Variants in RRP15 observed in about 807,000 individuals in gnomAD.
RRP15 encodes ribosomal RNA processing 15 homolog, also known as RRP15-like protein.
Under a neutral mutation model 27.1 loss-of-function variants are expected in RRP15, and 18 were observed. That is an observed-to-expected ratio of 0.66 (90% CI 0.46 to 0.98). The LOEUF is 0.98. RRP15 is among the 50% of genes least tolerant of loss of function. The probability of loss-of-function intolerance (pLI) is 0.00; values close to 1 mark genes in which losing one functional copy is unlikely to be tolerated. For synonymous variants in RRP15, 107 were observed against 109.4 expected, an observed-to-expected ratio of 0.98 and a Z score of 0.14; for missense variants, 359 against 337.8, an observed-to-expected ratio of 1.06 and a Z score of -0.49.
intron 4 of RRP15, among the ~76,000 whole-genome samples, chr1:218,308,062 C>CT (rs56813511): frequency 0.13 from 8,858 of 66,616 alleles, 1,201 homozygotes; most frequent in Non-Finnish European, 0.17. Flanking sequence ...TTCTTTCTTT[C>CT]TTTTTTTTTT....
chr1:218,331,122 T>A lies in RRP15; in HGVS notation c.*31T>A. ...CATAGGAAATACAATTGCAGTCGTT[T>A]TATTTTTTCTAGAAAAATATGTCAT... is the stretch of plus-strand genomic sequence containing the variant. On this transcript the variant is annotated 3_prime_UTR_variant, in exon 5 of 5. Transcript: ENST00000366932. 1 of 1,583,154 alleles carries A rather than the reference T, an allele frequency of 6.3e-7. No homozygotes were observed. The highest frequency in any genetic ancestry group is 8.6e-7 in the Non-Finnish European group (1 of 1,163,206).
chr1:218,320,290 T>C (rs1295465587), intron 4 of RRP15, among the ~76,000 whole-genome samples: 1 of 140,188 alleles, frequency 7.1e-6, no homozygotes, highest in Non-Finnish European at 1.5e-5. Context: ...AATTCCCACC[T>C]ATGAGTGAGA....
chr1:218,325,136 G>A (rs1314260670), intron 4 of RRP15, among the ~76,000 whole-genome samples: 4 of 152,104 alleles, frequency 2.6e-5, no homozygotes, highest in Non-Finnish European at 5.9e-5. Flanking sequence ...ATTCTCCAGC[G>A]GTTTTGTCAA....
intron 1 of RRP15, among the ~76,000 whole-genome samples, chr1:218,296,038 A>G (rs528038473): frequency 1.3e-5 from 2 of 152,282 alleles, no homozygotes; most frequent in East Asian, 3.9e-4. Flanking sequence ...AGTTTTAGAG[A>G]GCCTTGAATA....
intron 4 of RRP15, among the ~76,000 whole-genome samples, chr1:218,329,885 C>A (rs893516243): frequency 1.1e-4 from 17 of 151,586 alleles, no homozygotes; most frequent in Admixed American, 9.9e-4. Context: ...TAAAGGGAAG[C>A]TATAGCAGTT....
intron 4 of RRP15, among the ~76,000 whole-genome samples, chr1:218,316,663 C>T (rs1427743961): frequency 6.6e-6 from 1 of 152,124 alleles, no homozygotes; most frequent in Non-Finnish European, 1.5e-5. Context: ...AGTTAATATA[C>T]ATAAAGCACT....
At chr1:218,314,758 C>T (rs1038848960) in intron 4 of RRP15, among the ~76,000 whole-genome samples, 10 of 151,676 alleles carry the variant, frequency 6.6e-5, no homozygotes, top group Non-Finnish European at 1.2e-4. Context: ...TTTGGGAGGC[C>T]GAGGCAGGCT....
chr1:218,322,500 G>A (rs1379813508), intron 4 of RRP15, among the ~76,000 whole-genome samples: 1 of 151,148 alleles, frequency 6.6e-6, no homozygotes, highest in Admixed American at 6.6e-5. Flanking sequence ...TTGTGGAAAT[G>A]GTTTAGGTGT....
At chr1:218,318,742 C>CTTTT (rs398053827) in intron 4 of RRP15, among the ~76,000 whole-genome samples, 24 of 145,472 alleles carry the variant, frequency 1.6e-4, no homozygotes, top group African/African-American at 5.0e-4. Context: ...ATAATAAATA[C>CTTTT]TTTTTTTTTT....
intron 4 of RRP15, 110 bp from the exon 5 acceptor site, chr1:218,330,838 C>T (rs1376930324): frequency 2.6e-6 from 2 of 765,642 alleles, no homozygotes; most frequent in Non-Finnish European, 2.1e-6. Flanking sequence ...CTTGGTTTTA[C>T]CCCTATTTTA....
At chr1:218,319,895 T>G (rs971569175) in intron 4 of RRP15, among the ~76,000 whole-genome samples, 2 of 152,110 alleles carry the variant, frequency 1.3e-5, no homozygotes, top group African/African-American at 4.8e-5. Context: ...TAAAATGTGC[T>G]TTAAGAGACT....
Position 218,334,538 on chromosome 1 carries a change from T to TAAAA in RRP15, c.*3447_*3448insAAAA, listed in dbSNP as rs1468536335. Reference sequence around the variant, plus strand: ...AAGGAAAGTTGACTGATGAAGTTTATGTAGAGCTGTGAATATTATAATTTG... The same window carrying TAAAA: ...AAGGAAAGTTGACTGATGAAGTTTATAAAAGTAGAGCTGTGAATATTATAATTTG... On this transcript the variant is annotated 3_prime_UTR_variant, in exon 5 of 5. Transcript: ENST00000366932. 6.6e-6 allele frequency: 1 copy of TAAAA among 152,254 alleles called. No homozygotes were observed. Among genetic ancestry groups the TAAAA allele is most frequent in the Non-Finnish European group, 1.5e-5 (1 of 68,042 alleles). The allele number at this position is 152,254 out of a possible 1,614,324, so 9.4% of individuals were successfully genotyped here. A position where few individuals can be genotyped will look rare whatever the true frequency, so the allele number is the denominator to read the frequency against.
chr1:218,295,344 C>G (rs1655703036), intron 1 of RRP15, among the ~76,000 whole-genome samples: 1 of 151,978 alleles, frequency 6.6e-6, no homozygotes, highest in South Asian at 2.1e-4. Context: ...TAAATCAACC[C>G]AGGTTAAAAA....
In RRP15 at chr1:218,332,220, A is replaced by C. The variant is rs1187254448; in HGVS notation, c.*1129A>C. ...ATTCTTTTTTATGGACTGCCCAACCAGTGAATTGATGCACTTAGACAACAA... is the reference window on the plus strand; with the variant it reads ...ATTCTTTTTTATGGACTGCCCAACCCGTGAATTGATGCACTTAGACAACAA... On this transcript the variant is annotated 3_prime_UTR_variant, in exon 5 of 5. Transcript: ENST00000366932. The C allele has an allele frequency of 6.6e-6, 1 of 152,142 alleles. No individual in the cohort carries two copies. Among genetic ancestry groups the C allele is most frequent in the African/African-American group, 2.4e-5 (1 of 41,422 alleles). 9.4% of individuals were successfully genotyped at this position (152,142 alleles called of 1,614,324 possible).
intron 4 of RRP15, among the ~76,000 whole-genome samples, chr1:218,320,311 T>A (rs1185334218): frequency 6.6e-6 from 1 of 150,674 alleles, no homozygotes; most frequent in Non-Finnish European, 1.5e-5. Flanking sequence ...ACATGCGGTG[T>A]TTAGTTTTTT....
chr1:218,330,882 TG>T, intron 4 of RRP15, 65 bp from the exon 5 acceptor site: 1 of 1,452,628 alleles, frequency 6.9e-7, no homozygotes, highest in Non-Finnish European at 9.5e-7. Context: ...TTTTGTAGCT[TG>T]TACCTTTTTG....
chr1:218,324,176 G>A (rs1371477620), intron 4 of RRP15, among the ~76,000 whole-genome samples: 3 of 152,110 alleles, frequency 2.0e-5, no homozygotes, highest in African/African-American at 7.2e-5. Flanking sequence ...CCCCATCGCT[G>A]TGATTCCCAG....
rs1029683669 is a variant in RRP15 at position 218,310,867 on chromosome 1, G to A, written c.705+3235G>A. Among the ~76,000 whole-genome samples, 6 of 152,140 alleles carry A rather than the reference G, an allele frequency of 3.9e-5. No homozygotes were observed. In the East Asian group the frequency reaches 1.2e-3, roughly 30 times the overall value. ...GGGTTCAAGCGATTCTCCTGTCTCA[G>A]CCTCCCGAGTAGCTGGGATTACAGG... On this transcript the variant is annotated intron_variant, in intron 4 of 4. Transcript: ENST00000366932.
At chr1:218,298,460 C>T (rs1380493097) in intron 1 of RRP15, among the ~76,000 whole-genome samples, 1 of 152,146 alleles carries the variant, frequency 6.6e-6, no homozygotes, top group African/African-American at 2.4e-5. Flanking sequence ...TCTTGGCCAT[C>T]ACTCATAAGT....
Sources: gnomAD v4.1 joint callset for allele counts (sites outside exome capture counted in the v4.1 genomes callset) on GRCh38, gnomAD v4.1.1 for gene constraint, MANE v1.5 for transcripts, NCBI Gene and HGNC (gene_info 2026-07-23, HGNC 2026-07-21) for gene names.